The following COMMD1 variants were observed in gnomAD, a reference collection of about 807,000 sequenced individuals.
The protein encoded by COMMD1 is copper metabolism domain containing 1.
A neutral mutation model predicts 17.2 loss-of-function variants in COMMD1; 10 were observed. The ratio of observed to expected loss-of-function variants is 0.58; its 90% CI spans 0.36 to 0.99. The LOEUF is 0.99. Among genes scored for constraint, COMMD1 ranks in the 50% least tolerant of loss-of-function variants. The pLI, the probability that COMMD1 is intolerant of heterozygous loss-of-function variation, is 0.01. For missense variants in COMMD1, 270 were observed against 231.8 expected (o/e 1.17, Z -1.07); for synonymous variants, 97 against 91.6 (o/e 1.06, Z -0.34).
chr2:62,083,415 C>G (rs11891053), intron 2 of COMMD1, among the ~76,000 whole-genome samples: 23,696 of 152,244 alleles, frequency 0.16, 1,893 homozygotes, highest in East Asian at 0.21. Flanking sequence ...TCTGATAAAG[C>G]TTTAATGAAG....
chr2:61,982,674 G>A (rs1479212143), intron 1 of COMMD1, among the ~76,000 whole-genome samples: 1 of 152,044 alleles, frequency 6.6e-6, no homozygotes, highest in African/African-American at 2.4e-5. Flanking sequence ...CTGTTTGTTT[G>A]TGTGTTTTTT....
At chr2:61,965,867 A>G (rs1265882343) in intron 1 of COMMD1, among the ~76,000 whole-genome samples, 1 of 152,144 alleles carries the variant, frequency 6.6e-6, no homozygotes, top group East Asian at 1.9e-4. Context: ...TCAGACGTAC[A>G]CAAAAGTATT....
intron 2 of COMMD1, among the ~76,000 whole-genome samples, chr2:62,085,714 T>C (rs1671644845): frequency 6.7e-6 from 1 of 149,714 alleles, no homozygotes; most frequent in African/African-American, 2.5e-5. Flanking sequence ...GCGTGGTGGC[T>C]CACGCCTGTA....
chr2:61,977,241 CTT>C (rs1160361696), intron 1 of COMMD1, among the ~76,000 whole-genome samples: 204 of 88,784 alleles, frequency 2.3e-3, no homozygotes, highest in African/African-American at 9.3e-3. Context: ...ATAAAGTTTG[CTT>C]TTTTTTTTTT....
At position 62,036,054 on chromosome 2, in the gene COMMD1, TCACACA is replaced by T. The variant is rs70946776; in HGVS notation, c.462+35103_462+35108del. On this transcript the variant is annotated intron_variant, in intron 2 of 2. Coordinates refer to ENST00000311832, the MANE Select transcript of COMMD1 (RefSeq NM_152516.4). ...GGGTGATAGAGTGAGACCCTGTCTC[TCACACA>T]CACACACACACACACACACACACAC... Among the ~76,000 whole-genome samples the T allele has an allele frequency of 7.8e-3, 1,112 of 143,366 alleles. 13 individuals are homozygous for T. Among genetic ancestry groups the T allele is most frequent in the African/African-American group, 0.024 (950 of 39,490 alleles). 94.1% of individuals were successfully genotyped at this position (143,366 alleles called of 152,430 possible).
At chr2:61,979,690 C>T (rs945077343) in intron 1 of COMMD1, among the ~76,000 whole-genome samples, 4 of 151,950 alleles carry the variant, frequency 2.6e-5, no homozygotes, top group African/African-American at 9.7e-5. Context: ...TACAAGGGTT[C>T]CCTTTTCTCT....
intron 1 of COMMD1, among the ~76,000 whole-genome samples, chr2:61,997,148 C>T (rs935675477): frequency 1.1e-4 from 16 of 151,810 alleles, no homozygotes; most frequent in Non-Finnish European, 1.9e-4. Flanking sequence ...AGCCTTGACC[C>T]CCTGTGTTCA....
At chr2:62,043,144 G>C (rs1670286429) in intron 2 of COMMD1, among the ~76,000 whole-genome samples, 1 of 152,210 alleles carries the variant, frequency 6.6e-6, no homozygotes, top group Non-Finnish European at 1.5e-5. Flanking sequence ...TACCAGCTAA[G>C]CCAGTGACAC....
At chr2:61,987,809 C>G (rs1173790853) in intron 1 of COMMD1, among the ~76,000 whole-genome samples, 1 of 152,134 alleles carries the variant, frequency 6.6e-6, no homozygotes, top group Non-Finnish European at 1.5e-5. Flanking sequence ...TGTCTGGGAG[C>G]CAGGGCCTGG....
intron 1 of COMMD1, among the ~76,000 whole-genome samples, chr2:61,976,475 A>T (rs1404010622): frequency 6.6e-6 from 1 of 152,232 alleles, no homozygotes; most frequent in African/African-American, 2.4e-5. Flanking sequence ...ACATGTCTTT[A>T]ATGTGTATAT....
At chr2:61,889,408 G>A (rs2105149076) in intron 1 of COMMD1, among the ~76,000 whole-genome samples, 1 of 151,610 alleles carries the variant, frequency 6.6e-6, no homozygotes, top group Admixed American at 6.6e-5. Context: ...ACTGGGTTTC[G>A]CTGTGTTGCC....
In COMMD1 at chr2:61,979,747, ATTT is replaced by A. The variant is rs200234500; in HGVS notation, c.181-20943_181-20941del. On this transcript the variant is annotated intron_variant, in intron 1 of 2. Transcript: ENST00000311832. ...ATTGCCTGTCTTTTGGATATAAGTCATTTTTTTTTTTTTATTATACTCTAAGTT... is the reference window on the plus strand; with the variant it reads ...ATTGCCTGTCTTTTGGATATAAGTCATTTTTTTTTTATTATACTCTAAGTT... Among the ~76,000 whole-genome samples, 1,007 of 144,666 alleles carry A rather than the reference ATTT, an allele frequency of 7.0e-3. 11 individuals are homozygous for A. The highest frequency in any genetic ancestry group is 0.023 in the African/African-American group (912 of 39,546). The allele number at this position is 144,666 out of a possible 152,430, so 94.9% of individuals were successfully genotyped here. A position where few individuals can be genotyped will look rare whatever the true frequency, so the allele number is the denominator to read the frequency against.
At chr2:61,959,545 C>T (rs546730999) in intron 1 of COMMD1, among the ~76,000 whole-genome samples, 3 of 152,206 alleles carry the variant, frequency 2.0e-5, no homozygotes, top group South Asian at 2.1e-4. Context: ...CCCCATTTTA[C>T]AGATAAGTAA....
intron 2 of COMMD1, among the ~76,000 whole-genome samples, chr2:62,013,692 G>A (rs959801855): frequency 6.6e-6 from 1 of 152,140 alleles, no homozygotes; most frequent in African/African-American, 2.4e-5. Flanking sequence ...GACTTGGAAG[G>A]GATGTAGAGA....
At chr2:61,952,468 C>CGACT (rs554066111) in intron 1 of COMMD1, among the ~76,000 whole-genome samples, 28 of 152,130 alleles carry the variant, frequency 1.8e-4, no homozygotes, top group Non-Finnish European at 3.5e-4. Flanking sequence ...TTCTGGCAAC[C>CGACT]GACTGATCCC....
At chr2:61,998,412 A>G (rs1009774713) in intron 1 of COMMD1, among the ~76,000 whole-genome samples, 3 of 152,038 alleles carry the variant, frequency 2.0e-5, no homozygotes, top group Non-Finnish European at 4.4e-5. Context: ...GGCGTGCGCC[A>G]CTACGCCCAG....
At chr2:61,893,094 C>T (rs779299646) in intron 1 of COMMD1, among the ~76,000 whole-genome samples, 15 of 151,910 alleles carry the variant, frequency 9.9e-5, no homozygotes, top group Non-Finnish European at 1.6e-4. Context: ...TTCGAACTCC[C>T]GACCACAGGT....
chr2:62,030,827 A>T (rs1394637245), intron 2 of COMMD1, among the ~76,000 whole-genome samples: 2 of 152,198 alleles, frequency 1.3e-5, no homozygotes, highest in Admixed American at 1.3e-4. Context: ...ATTTTAGAAA[A>T]AAACAATATA....
intron 1 of COMMD1, among the ~76,000 whole-genome samples, chr2:61,989,256 A>G (rs568702182): frequency 5.9e-5 from 9 of 152,240 alleles, no homozygotes; most frequent in African/African-American, 2.2e-4. Context: ...ACAATGGATG[A>G]ACCAAAATTG....
Sources: allele counts gnomAD v4.1 joint callset (sites outside exome capture counted in the v4.1 genomes callset), GRCh38; gene constraint gnomAD v4.1.1; transcripts MANE v1.5; gene names NCBI Gene and HGNC (gene_info 2026-07-23, HGNC 2026-07-21).